GPC4: variants seen among roughly 807,000 people sequenced by gnomAD.
The protein encoded by GPC4 is glypican-4.
Under a neutral mutation model 35.0 loss-of-function variants are expected in GPC4, and 10 were observed. The ratio of observed to expected loss-of-function variants is 0.29; its 90% CI spans 0.18 to 0.48. The LOEUF (loss-of-function observed/expected upper bound fraction) is 0.48, where lower values mean the gene tolerates loss of function less well. Ranked by LOEUF, GPC4 falls within the 20% of genes least tolerant of loss-of-function variation. The pLI, the probability that GPC4 is intolerant of heterozygous loss-of-function variation, is 0.99. For missense variants in GPC4, 322 were observed against 451.3 expected (o/e 0.71, Z 2.60); for synonymous variants, 167 against 170.2 (o/e 0.98, Z 0.15).
At chrX:133,352,961 T>C (rs2068523181) in intron 1 of GPC4, among the ~76,000 whole-genome samples, 1 of 112,017 alleles carries the variant, frequency 8.9e-6, no homozygotes, top group Non-Finnish European at 1.9e-5. Flanking sequence ...ATGTGTCTAC[T>C]TATGACATAA....
intron 1 of GPC4, among the ~76,000 whole-genome samples, chrX:133,344,190 G>GTTTTTTTTTTTTTTT (rs2068479779): frequency 2.5e-5 from 1 of 39,353 alleles, no homozygotes; most frequent in South Asian, 1.0e-3. Context: ...CTTTCTTTCT[G>GTTTTTTTTTTTTTTT]GTTTTTTTTT....
At chrX:133,396,441 A>T (rs1042318217) in intron 1 of GPC4, among the ~76,000 whole-genome samples, 1 of 112,223 alleles carries the variant, frequency 8.9e-6, no homozygotes, top group Non-Finnish European at 1.9e-5. Context: ...ACTCATGCAT[A>T]TAACATGATT....
intron 1 of GPC4, among the ~76,000 whole-genome samples, chrX:133,352,969 T>TA (rs1569348708): frequency 1.8e-5 from 2 of 111,871 alleles, no homozygotes; most frequent in Admixed American, 1.9e-4. Flanking sequence ...ACTTATGACA[T>TA]AAAAAAATTT....
chrX:133,302,568 T>A lies in GPC4; in HGVS notation c.*299A>T. On this transcript the variant is annotated 3_prime_UTR_variant, in exon 9 of 9. Coordinates refer to ENST00000370828, the MANE Select transcript of GPC4 (RefSeq NM_001448.3). Reference sequence around the variant, plus strand: ...CCACAAACGAAATGAGAAAAAAACATACAAACAAATAATAGAGTGATAAAA... The same window carrying A: ...CCACAAACGAAATGAGAAAAAAACAAACAAACAAATAATAGAGTGATAAAA... The A allele has an allele frequency of 4.4e-6, 1 of 225,385 alleles. No homozygotes were observed. Among genetic ancestry groups the A allele is most frequent in the Non-Finnish European group, 8.0e-6 (1 of 125,675 alleles). The allele number at this position is 225,385 out of a possible 1,213,427, so 18.6% of individuals were successfully genotyped here.
intron 1 of GPC4, among the ~76,000 whole-genome samples, chrX:133,367,656 C>T (rs1700281095): frequency 9.0e-6 from 1 of 111,014 alleles, no homozygotes; most frequent in Admixed American, 9.6e-5. Context: ...ATGCTTGAGC[C>T]CGGGAGTTTG....
intron 1 of GPC4, among the ~76,000 whole-genome samples, chrX:133,384,842 C>G (rs1393343632): frequency 9.0e-6 from 1 of 111,652 alleles, no homozygotes; most frequent in Non-Finnish European, 1.9e-5. Flanking sequence ...AGTATCTGTG[C>G]TAGCTGTCAA....
chrX:133,313,820 C>T (rs891605214), intron 3 of GPC4, among the ~76,000 whole-genome samples: 1 of 112,289 alleles, frequency 8.9e-6, no homozygotes, highest in African/African-American at 3.2e-5. Context: ...ATCACGTTTC[C>T]CTGCCAGATG....
At chrX:133,338,895 C>T (rs1055293938) in intron 2 of GPC4, among the ~76,000 whole-genome samples, 2 of 110,150 alleles carry the variant, frequency 1.8e-5, no homozygotes, top group Non-Finnish European at 3.8e-5. Context: ...AAGGGACTTG[C>T]GTCAACAACA....
rs190060785 is a variant in GPC4, at chrX:133,364,050, A to G, written c.161-24709T>C. 2.7e-5 allele frequency among the ~76,000 whole-genome samples: 3 copies of G among 112,153 alleles called. No individual in the cohort carries two copies. The East Asian group carries it at 8.4e-4, about 31-fold the overall frequency. ...TTATGGTTGTATAATATTCCATTTCATGGGTATGCCACATTTTGTTTATCT... is the reference window on the plus strand; with the variant it reads ...TTATGGTTGTATAATATTCCATTTCGTGGGTATGCCACATTTTGTTTATCT... On this transcript the variant is annotated intron_variant, in intron 1 of 8. Transcript: ENST00000370828.
At position 133,334,716 on chromosome X, in the gene GPC4, G is replaced by C. The variant is rs778253564; in HGVS notation, c.319+4467C>G. 7.6e-4 allele frequency among the ~76,000 whole-genome samples: 85 copies of C among 111,768 alleles called. 1 individual carries two copies. The highest frequency in any genetic ancestry group is 1.1e-3 in the Non-Finnish European group (58 of 53,202). On this transcript the variant is annotated intron_variant, in intron 2 of 8. Coordinates refer to ENST00000370828, the MANE Select transcript of GPC4 (RefSeq NM_001448.3). ...CACAGTGGGTTCACTGCAGAACTAG[G>C]ATGATAATTCACTGTGCACTGCCTC...
In GPC4 at chrX:133,324,101, G is replaced by C. The variant is rs7878818; in HGVS notation, c.711+44C>G. 7,173 of 1,136,104 alleles carry C rather than the reference G, an allele frequency of 6.3e-3. 292 individuals carry two copies. The African/African-American group carries it at 0.11, about 17-fold the overall frequency. 93.6% of individuals were successfully genotyped at this position (1,136,104 alleles called of 1,213,427 possible). Reference sequence around the variant, plus strand: ...TCCCAAACATTCTTTTAACATGAAAGAAAACAAAACAAAAACAAAACAGAG... The same window carrying C: ...TCCCAAACATTCTTTTAACATGAAACAAAACAAAACAAAAACAAAACAGAG... On this transcript the variant is annotated intron_variant, in intron 3 of 8. Coordinates refer to ENST00000370828, the MANE Select transcript of GPC4 (RefSeq NM_001448.3).
chrX:133,392,097 G>C (rs181815019), intron 1 of GPC4, among the ~76,000 whole-genome samples: 1 of 108,730 alleles, frequency 9.2e-6, no homozygotes, highest in East Asian at 2.9e-4. Context: ...GCTGGGCGTG[G>C]TGGTGCATGC....
intron 2 of GPC4, among the ~76,000 whole-genome samples, chrX:133,325,127 C>A (rs1298269300): frequency 9.0e-6 from 1 of 111,004 alleles, no homozygotes; most frequent in Non-Finnish European, 1.9e-5. Flanking sequence ...CAAGCAAGCA[C>A]ATAAGTTTTC....
intron 3 of GPC4, among the ~76,000 whole-genome samples, chrX:133,317,473 C>T (rs2068344112): frequency 1.8e-5 from 2 of 109,424 alleles, no homozygotes; most frequent in Admixed American, 2.1e-4. Context: ...AAAACTACTG[C>T]AAGCAGCCTG....
chrX:133,388,793 C>T (rs947919301), intron 1 of GPC4, among the ~76,000 whole-genome samples: 19 of 109,193 alleles, frequency 1.7e-4, no homozygotes, highest in South Asian at 8.0e-4. Context: ...TGAGCCACCG[C>T]GCCCAGCCAG....
chrX:133,309,163 T>G (rs973218054), intron 4 of GPC4, among the ~76,000 whole-genome samples: 9 of 111,813 alleles, frequency 8.0e-5, no homozygotes, highest in African/African-American at 2.9e-4. Context: ...TATCTGCTTA[T>G]TAGAAATAAA....
At chrX:133,373,832 C>T (rs776864394) in intron 1 of GPC4, among the ~76,000 whole-genome samples, 1 of 111,539 alleles carries the variant, frequency 9.0e-6, no homozygotes, top group Non-Finnish European at 1.9e-5. Context: ...AGGCCACTGT[C>T]AAGGTGAGCA....
At chrX:133,403,726 C>G (rs1048985659) in intron 1 of GPC4, among the ~76,000 whole-genome samples, 2 of 107,075 alleles carry the variant, frequency 1.9e-5, no homozygotes, top group Non-Finnish European at 3.9e-5. Context: ...GACAGAGTCT[C>G]ACTCTGTCGC....
intron 1 of GPC4, among the ~76,000 whole-genome samples, chrX:133,369,460 G>A (rs919308908): frequency 8.9e-6 from 1 of 111,758 alleles, no homozygotes; most frequent in Admixed American, 9.5e-5. Context: ...ATAGTAGTAC[G>A]ATGCATTTGA....
Sources: gnomAD v4.1 joint callset for allele counts (sites outside exome capture counted in the v4.1 genomes callset) on GRCh38, gnomAD v4.1.1 for gene constraint, MANE v1.5 for transcripts, NCBI Gene and HGNC (gene_info 2026-07-23, HGNC 2026-07-21) for gene names.